The following CEP131 variants were observed in gnomAD, a reference collection of about 807,000 sequenced individuals.
CEP131 encodes centrosomal protein 131.
CEP131 carries 99 observed loss-of-function variants against 136.8 expected under a neutral mutation model. The ratio of observed to expected loss-of-function variants is 0.72; its 90% confidence interval spans 0.62 to 0.86. CEP131 has a LOEUF of 0.86. Among genes scored for constraint, CEP131 ranks in the 40% least tolerant of loss-of-function variants. The pLI is 0.00. For synonymous variants in CEP131, 646 were observed against 612.7 expected (o/e 1.05, Z -0.80); for missense variants, 1,459 against 1,463.0 (o/e 1.00, Z 0.04).
chr17:81,205,976 C>A (rs76907692), intron 5 of CEP131, among the ~76,000 whole-genome samples: 1 of 152,076 alleles, frequency 6.6e-6, no homozygotes, highest in South Asian at 2.1e-4. Flanking sequence ...GAGGCCAAGG[C>A]GGGTGGATCA....
rs1186086690 is a variant in CEP131, at chr17:81,190,547, C to T, written c.3107+92G>A. On this transcript the variant is annotated intron_variant, in intron 24 of 25. Coordinates refer to ENST00000450824, the MANE Select transcript of CEP131 (RefSeq NM_014984.4). ...TGTCTCTGCATCTCCTGGCCTTCCT[C>T]AGCCACAGCCTCCTGGGGCTTGGAG... is the stretch of plus-strand genomic sequence containing the variant. 13 of 1,408,262 alleles carry T rather than the reference C, an allele frequency of 9.2e-6. No homozygotes were observed. In the South Asian group the frequency reaches 1.5e-4, roughly 16 times the overall value. 87.2% of individuals were successfully genotyped at this position (1,408,262 alleles called of 1,614,324 possible).
chr17:81,196,760 G>C lies in CEP131; in HGVS notation c.1840C>G (p.Gln614Glu). The change falls in exon 15 of 26, where the codon CAG becomes GAG. Residue 614 changes from glutamine (Q) to glutamate (E), a missense_variant. Coordinates refer to ENST00000450824, the MANE Select transcript of CEP131 (RefSeq NM_014984.4). ...ETEKALSRQL[Q>E]RQREHYEATI... Reference sequence around the variant, plus strand: ...GCCTCGTAGTGCTCCCTCTGCCGCTGCAGCTGCCGGCTCAGCGCCTTCTCT... The same window carrying C: ...GCCTCGTAGTGCTCCCTCTGCCGCTCCAGCTGCCGGCTCAGCGCCTTCTCT... The C allele has an allele frequency of 6.3e-7, 1 of 1,595,922 alleles. No homozygotes were observed. The highest frequency in any genetic ancestry group is 1.7e-5 in the Admixed American group (1 of 57,610).
At position 81,214,270 on chromosome 17, in the gene CEP131, G is replaced by A. The variant is rs747831179; in HGVS notation, c.178-5248C>T. Among the ~76,000 whole-genome samples, 13 of 152,108 alleles carry A rather than the reference G, an allele frequency of 8.5e-5. No individual in the cohort carries two copies. In the East Asian group the frequency reaches 9.6e-4, roughly 11 times the overall value. On this transcript the variant is annotated intron_variant, in intron 2 of 25. Coordinates refer to ENST00000450824, the MANE Select transcript of CEP131 (RefSeq NM_014984.4). ...CATAAAAGGTTTATTTTTAAAAATC[G>A]TACAGTCACGCCGGAGGCTCACGCC...
Position 81,219,885 on chromosome 17 carries a change from C to T in CEP131, c.172G>A (p.Val58Met). The T allele has an allele frequency of 6.2e-7, 1 of 1,604,430 alleles. No homozygotes were observed. The highest frequency in any genetic ancestry group is 8.5e-7 in the Non-Finnish European group (1 of 1,175,258). Reference sequence around the variant, plus strand: ...TCCTAGGCCACAGTACTCACCAGCACCTTCCTCTTCTGCTCGCTGCCTGTG... The same window carrying T: ...TCCTAGGCCACAGTACTCACCAGCATCTTCCTCTTCTGCTCGCTGCCTGTG... ...VVTGSEQKRK[V>M]LEATGPGGSQ... The change falls in exon 2 of 26, where the codon GTG becomes ATG. Residue 58 changes from valine to methionine, a missense_variant. Coordinates refer to ENST00000450824, the MANE Select transcript of CEP131 (RefSeq NM_014984.4). The surrounding 1 kb of genome is among the most constrained non-coding windows in gnomAD (Gnocchi z 4.0).
In CEP131 at chr17:81,207,256, G is replaced by A; in HGVS notation, c.273-17C>T. ...TCCGTTGGCCTGCATCCGAGAGAGG[G>A]CGGCACACAAGGAAAGAGTCACCAG... is the stretch of plus-strand genomic sequence containing the variant. On this transcript the variant is annotated splice_polypyrimidine_tract_variant and intron_variant, in intron 3 of 25. Coordinates refer to ENST00000450824, the MANE Select transcript of CEP131 (RefSeq NM_014984.4). 6.2e-7 allele frequency: 1 copy of A among 1,610,020 alleles called. No individual in the cohort carries two copies. Among genetic ancestry groups the A allele is most frequent in the South Asian group, 1.1e-5 (1 of 90,974 alleles).
chr17:81,191,962 G>A (rs2061650162), intron 21 of CEP131, among the ~76,000 whole-genome samples: 1 of 152,132 alleles, frequency 6.6e-6, no homozygotes, highest in South Asian at 2.1e-4. Context: ...AGGCCCCAGA[G>A]GCTAAGGGGG....
At chr17:81,192,252 G>A in intron 21 of CEP131, 66 bp downstream of exon 21, 1 of 1,475,060 alleles carries the variant, frequency 6.8e-7, no homozygotes, top group African/African-American at 1.4e-5. Flanking sequence ...ACCTGGGGCA[G>A]CCCCCAACTC....
chr17:81,197,938 T>C (rs1338130631), intron 12 of CEP131, 50 bp from the exon 13 acceptor site: 3 of 1,581,486 alleles, frequency 1.9e-6, no homozygotes, highest in Non-Finnish European at 2.6e-6. Context: ...GCCTGAGGAC[T>C]TGGGTTCCCC....
chr17:81,199,104 G>T, intron 10 of CEP131, 133 bp from the exon 11 acceptor site: 1 of 908,626 alleles, frequency 1.1e-6, no homozygotes, highest in Non-Finnish European at 1.6e-6. Context: ...CCGCTGGGGA[G>T]CCACGGCCTT....
chr17:81,205,604 G>A (rs2061993245), intron 5 of CEP131, among the ~76,000 whole-genome samples: 1 of 152,058 alleles, frequency 6.6e-6, no homozygotes, highest in Non-Finnish European at 1.5e-5. Flanking sequence ...AAATACTAAG[G>A]TAAATTTTAG....
At chr17:81,207,319 C>G in intron 3 of CEP131, 80 bp from the exon 4 acceptor site, 1 of 1,264,994 alleles carries the variant, frequency 7.9e-7, no homozygotes, top group Non-Finnish European at 1.1e-6. Context: ...CCAGGCAGGT[C>G]CCGCGAGGAC....
chr17:81,191,482 G>A (rs1332754633), intron 21 of CEP131, 147 bp from the exon 22 acceptor site: 5 of 712,824 alleles, frequency 7.0e-6, no homozygotes, highest in Non-Finnish European at 9.5e-6. Flanking sequence ...GTCCAGGGGT[G>A]CGCTACGTCC....
At chr17:81,202,439 G>A in intron 6 of CEP131, 41 bp from the exon 7 acceptor site, 4 of 1,596,150 alleles carry the variant, frequency 2.5e-6, no homozygotes, top group African/African-American at 2.7e-5. Context: ...CACCGCCCAG[G>A]GGAACAGCTC....
intron 7 of CEP131, among the ~76,000 whole-genome samples, chr17:81,201,366 T>A (rs1329739856): frequency 1.3e-5 from 2 of 152,082 alleles, no homozygotes; most frequent in Non-Finnish European, 2.9e-5. Context: ...CCCGCGACTG[T>A]CCTGACAAGA....
rs1241555584 is a variant in CEP131, at chr17:81,199,364, C to T, written c.1192+17G>A. ...AGTCCACCCCCCAGAGCAGGGCGGG[C>T]GTGGAGCCACTCTCACCAGTATTGT... On this transcript the variant is annotated intron_variant, in intron 10 of 25. Coordinates refer to ENST00000450824, the MANE Select transcript of CEP131 (RefSeq NM_014984.4). The T allele has an allele frequency of 2.5e-6, 4 of 1,587,648 alleles. No individual in the cohort carries two copies. The highest frequency in any genetic ancestry group is 2.7e-5 in the African/African-American group (2 of 74,718).
At chr17:81,204,968 A>G (rs555575538) in intron 5 of CEP131, among the ~76,000 whole-genome samples, 1 of 152,274 alleles carries the variant, frequency 6.6e-6, no homozygotes, top group East Asian at 1.9e-4. Context: ...GTTTTCAATA[A>G]AACACTAAAT....
At chr17:81,216,546 A>G (rs1470380763) in intron 2 of CEP131, among the ~76,000 whole-genome samples, 1 of 152,182 alleles carries the variant, frequency 6.6e-6, no homozygotes, top group African/African-American at 2.4e-5. Context: ...GAAAAAGAAA[A>G]GAGAATGCAG....
At chr17:81,196,111 G>A (rs1423527888) in intron 15 of CEP131, among the ~76,000 whole-genome samples, 160 bp from the exon 16 acceptor site, 2 of 152,156 alleles carry the variant, frequency 1.3e-5, no homozygotes, top group African/African-American at 2.4e-5. Flanking sequence ...CAGTGGGGGG[G>A]CACGTGTGCA....
intron 13 of CEP131, chr17:81,197,292 A>AGGCCGGGCGCGG: frequency 1.7e-6 from 1 of 593,132 alleles, no homozygotes; most frequent in Non-Finnish European, 2.9e-6. Context: ...AAAAAGTTCT[A>AGGCCGGGCGCGG]TGCTGCCCAG....
Sources: gnomAD v4.1 joint callset for allele counts (sites outside exome capture counted in the v4.1 genomes callset) on GRCh38, gnomAD v4.1.1 for gene constraint, Gnocchi (gnomAD v3.1) non-coding constraint, MANE v1.5 for transcripts, NCBI Gene and HGNC (gene_info 2026-07-23, HGNC 2026-07-21) for gene names.